Variants in ITPR1 observed in about 807,000 individuals in gnomAD.
ITPR1 encodes the protein inositol 1,4,5-trisphosphate receptor type 1.
ITPR1 carries 96 observed loss-of-function variants against 318.4 expected under a neutral mutation model. The observed-to-expected ratio is 0.30, with a 90% CI of 0.26 to 0.36. ITPR1 has a LOEUF of 0.36. Among genes scored for constraint, ITPR1 ranks in the 10% least tolerant of loss-of-function variants. The probability of loss-of-function intolerance (pLI) is 1.00; values close to 1 mark genes in which losing one functional copy is unlikely to be tolerated. For synonymous variants in ITPR1, 1,312 were observed against 1,289.9 expected, an observed-to-expected ratio of 1.02 and a Z score of -0.37; for missense variants, 2,440 against 3,460.2, an observed-to-expected ratio of 0.71 and a Z score of 7.40.
At chr3:4,528,651 A>G (rs1394909413) in intron 4 of ITPR1, among the ~76,000 whole-genome samples, 1 of 152,088 alleles carries the variant, frequency 6.6e-6, no homozygotes, top group Non-Finnish European at 1.5e-5. Context: ...CAGGCCTTTC[A>G]TAGTAGGGGT....
chr3:4,665,832 A>T (rs189824071), intron 17 of ITPR1, among the ~76,000 whole-genome samples: 10 of 152,348 alleles, frequency 6.6e-5, no homozygotes, highest in African/African-American at 2.4e-4. Context: ...TAAATGTCCT[A>T]GGAGCTCCAA....
At chr3:4,719,009 A>T (rs1051997990) in intron 40 of ITPR1, among the ~76,000 whole-genome samples, 4 of 152,182 alleles carry the variant, frequency 2.6e-5, no homozygotes, top group African/African-American at 7.2e-5. Context: ...ACCTTCCCTA[A>T]TCAGAGTCTG....
intron 4 of ITPR1, among the ~76,000 whole-genome samples, chr3:4,588,214 T>C (rs1465940262): frequency 2.0e-5 from 3 of 152,244 alleles, no homozygotes; most frequent in Non-Finnish European, 4.4e-5. Context: ...TACAGTCTTC[T>C]CATATTCTTG....
intron 5 of ITPR1, among the ~76,000 whole-genome samples, chr3:4,628,690 C>T (rs897144980): frequency 1.3e-5 from 2 of 152,340 alleles, no homozygotes; most frequent in African/African-American, 4.8e-5. Flanking sequence ...CCTCCTCTGG[C>T]ATGTGAGTTT....
chr3:4,769,851 C>G (rs534915430), intron 46 of ITPR1, among the ~76,000 whole-genome samples: 1 of 152,324 alleles, frequency 6.6e-6, no homozygotes, highest in East Asian at 1.9e-4. Flanking sequence ...GAGGATGGAT[C>G]GTAGAGATCC....
At chr3:4,508,617 C>A (rs2081570346) in intron 2 of ITPR1, among the ~76,000 whole-genome samples, 1 of 152,054 alleles carries the variant, frequency 6.6e-6, no homozygotes, top group African/African-American at 2.4e-5. Context: ...AAATTCCAAA[C>A]CTATCTTGAG....
intron 2 of ITPR1, among the ~76,000 whole-genome samples, chr3:4,500,530 G>C (rs1056789804): frequency 2.6e-5 from 4 of 152,128 alleles, no homozygotes; most frequent in African/African-American, 9.7e-5. Flanking sequence ...TCTCCACCTA[G>C]GGCCAAGTAG....
Position 4,847,115 on chromosome 3 carries a change from GTCCAAACA to G in ITPR1, c.*891_*898del, listed in dbSNP as rs1462824324. On this transcript the variant is annotated 3_prime_UTR_variant, in exon 62 of 62. Coordinates refer to ENST00000649015, the MANE Select transcript of ITPR1 (RefSeq NM_001378452.1). ...TAATTGATGGTTTCTAGATTATCTAGTCCAAACAATAGAGTTTATTTTTTCTTCATCTG... is the reference window on the plus strand; with the variant it reads ...TAATTGATGGTTTCTAGATTATCTAGATAGAGTTTATTTTTTCTTCATCTG... The G allele has an allele frequency of 3.3e-5, 5 of 152,574 alleles. No individual in the cohort carries two copies. The highest frequency in any genetic ancestry group is 3.3e-4 in the Admixed American group (5 of 15,266). The allele number at this position is 152,574 out of a possible 1,614,324, so 9.5% of individuals were successfully genotyped here. A position where few individuals can be genotyped will look rare whatever the true frequency, so the allele number is the denominator to read the frequency against.
intron 44 of ITPR1, among the ~76,000 whole-genome samples, chr3:4,744,680 A>G (rs879424785): frequency 4.6e-5 from 7 of 152,124 alleles, no homozygotes; most frequent in Non-Finnish European, 7.3e-5. Flanking sequence ...AATCTTTACT[A>G]TGTAGATGTT....
At chr3:4,705,483 G>C (rs2094737784) in intron 36 of ITPR1, among the ~76,000 whole-genome samples, 1 of 152,168 alleles carries the variant, frequency 6.6e-6, no homozygotes, top group South Asian at 2.1e-4. Flanking sequence ...ATTTGGTCCA[G>C]GTACCACCTT....
At chr3:4,784,254 C>T (rs915211474) in intron 51 of ITPR1, among the ~76,000 whole-genome samples, 10 of 152,104 alleles carry the variant, frequency 6.6e-5, no homozygotes, top group Admixed American at 3.3e-4. Context: ...CATCTGAACC[C>T]AGACCGTAAA....
At chr3:4,557,502 TG>T (rs1237351105) in intron 4 of ITPR1, among the ~76,000 whole-genome samples, 1 of 152,190 alleles carries the variant, frequency 6.6e-6, no homozygotes, top group Non-Finnish European at 1.5e-5. Flanking sequence ...CACTTTTTTT[TG>T]TTTTTGCTAT....
intron 40 of ITPR1, among the ~76,000 whole-genome samples, chr3:4,719,248 C>T (rs993072080): frequency 2.6e-5 from 4 of 152,228 alleles, no homozygotes; most frequent in Non-Finnish European, 5.9e-5. Context: ...CCTGAAGAAG[C>T]AACTGTGGAT....
At chr3:4,696,117 G>A (rs2094553796) in intron 33 of ITPR1, among the ~76,000 whole-genome samples, 1 of 152,116 alleles carries the variant, frequency 6.6e-6, no homozygotes, top group South Asian at 2.1e-4. Flanking sequence ...GAAGCTTCAT[G>A]GAGATGTTTA....
rs2041275939 is a variant in ITPR1, at chr3:4,710,531, G to T, written c.4991+58G>T. The T allele has an allele frequency of 6.7e-7, 1 of 1,503,654 alleles. No individual in the cohort carries two copies. Among genetic ancestry groups the T allele is most frequent in the Non-Finnish European group, 9.0e-7 (1 of 1,111,134 alleles). The allele number at this position is 1,503,654 out of a possible 1,614,324, so 93.1% of individuals were successfully genotyped here. A position where few individuals can be genotyped will look rare whatever the true frequency, so the allele number is the denominator to read the frequency against. On this transcript the variant is annotated intron_variant, in intron 38 of 61. Coordinates refer to ENST00000649015, the MANE Select transcript of ITPR1 (RefSeq NM_001378452.1). This position sits in a 1 kb window ranked among gnomAD's most constrained non-coding sequence, Gnocchi z 4.2. ...GCCAGAACCTTGATGACCTCACAAA[G>T]CTTTTGTTCCCGAAGAAGGAGACGT...
At chr3:4,637,029 G>A (rs1161700738) in intron 5 of ITPR1, among the ~76,000 whole-genome samples, 4 of 152,204 alleles carry the variant, frequency 2.6e-5, no homozygotes, top group Admixed American at 1.3e-4. Flanking sequence ...TTGAGAGTAA[G>A]GGGAATGCTC....
rs1454800197 is a variant in ITPR1 at position 4,609,083 on chromosome 3, T to TAC, written c.164-18679_164-18678insCA. On this transcript the variant is annotated intron_variant, in intron 4 of 61. Transcript: ENST00000649015. ...ATATATATATATATATATATATATA[T>TAC]ATATATACACACACACGTATGTCAG... 1.3e-3 allele frequency among the ~76,000 whole-genome samples: 117 copies of TAC among 92,362 alleles called. 2 individuals carry two copies. Among genetic ancestry groups the TAC allele is most frequent in the Middle Eastern group, 5.6e-3 (1 of 178 alleles). The allele number at this position is 92,362 out of a possible 152,430, so 60.6% of individuals were successfully genotyped here.
At chr3:4,831,129 T>TCACACACA (rs879055532) in intron 60 of ITPR1, 68 of 326,474 alleles carry the variant, frequency 2.1e-4, no homozygotes, top group African/African-American at 8.9e-4. Context: ...TCTCTCTCTC[T>TCACACACA]CTCACACACA....
intron 4 of ITPR1, among the ~76,000 whole-genome samples, chr3:4,591,558 G>C (rs1301248188): frequency 6.6e-6 from 1 of 152,166 alleles, no homozygotes; most frequent in Non-Finnish European, 1.5e-5. Flanking sequence ...TCTTCCTAAG[G>C]GAGGAATGTA....
Sources: gnomAD v4.1 joint callset for allele counts (sites outside exome capture counted in the v4.1 genomes callset) on GRCh38, gnomAD v4.1.1 for gene constraint, Gnocchi (gnomAD v3.1) non-coding constraint, MANE v1.5 for transcripts, NCBI Gene and HGNC (gene_info 2026-07-23, HGNC 2026-07-21) for gene names.